CLEC16A: variants seen among roughly 807,000 people sequenced by gnomAD.
The protein encoded by CLEC16A is C-type lectin domain containing 16A.
In CLEC16A, 51 loss-of-function variants were observed where a neutral mutation model predicts 109.5. That is an observed-to-expected ratio of 0.47 (90% CI 0.37 to 0.59). The LOEUF (loss-of-function observed/expected upper bound fraction) is 0.59, where lower values mean the gene tolerates loss of function less well. CLEC16A is among the 20% of genes least tolerant of loss of function. The pLI, the probability that CLEC16A is intolerant of heterozygous loss-of-function variation, is 0.00. For synonymous variants in CLEC16A, 673 were observed against 564.2 expected (o/e 1.19, Z -2.73); for missense variants, 1,339 against 1,394.0 (o/e 0.96, Z 0.63).
intron 13 of CLEC16A, among the ~76,000 whole-genome samples, 188 bp from the exon 14 acceptor site, chr16:11,039,566 A>C (rs2047205945): frequency 6.6e-6 from 1 of 152,150 alleles, no homozygotes; most frequent in Admixed American, 6.5e-5. Flanking sequence ...GTTCAAGTCC[A>C]GCCTGGGAAA....
chr16:11,068,863 G>A (rs1335998312), intron 19 of CLEC16A, among the ~76,000 whole-genome samples: 1 of 152,126 alleles, frequency 6.6e-6, no homozygotes, highest in African/African-American at 2.4e-5. Context: ...CATCTAGGCT[G>A]GAGTGCAGAG....
intron 22 of CLEC16A, among the ~76,000 whole-genome samples, chr16:11,160,058 A>G (rs2054667704): frequency 6.6e-6 from 1 of 152,146 alleles, no homozygotes; most frequent in African/African-American, 2.4e-5. Flanking sequence ...TCAGCTCCCT[A>G]AAAGGTTCCT....
chr16:11,125,946 C>T, intron 21 of CLEC16A, 33 bp from the exon 22 acceptor site: 1 of 1,255,360 alleles, frequency 8.0e-7, no homozygotes, highest in Non-Finnish European at 1.1e-6. Context: ...ATCCCACATG[C>T]TCAGAGTGAA....
chr16:11,000,021 A>G (rs1365017519), intron 10 of CLEC16A, among the ~76,000 whole-genome samples: 1 of 152,184 alleles, frequency 6.6e-6, no homozygotes, highest in Non-Finnish European at 1.5e-5. Flanking sequence ...TATTTTTAGT[A>G]GAAGCGGAGT....
chr16:11,174,086 C>A lies in CLEC16A; in HGVS notation c.2807-4249C>A, dbSNP rs74163626. The A allele has an allele frequency of 2.3e-6, 1 of 437,470 alleles. No individual in the cohort carries two copies. The highest frequency in any genetic ancestry group is 2.4e-5 in the Admixed American group (1 of 41,122). The allele number at this position is 437,470 out of a possible 1,614,324, so 27.1% of individuals were successfully genotyped here. ...AGCGTCCGCTGCTGCTCAGTGTCCC[C>A]TCCATGTCGCCTCTGCCGTCCCATT... On this transcript the variant is annotated intron_variant, in intron 23 of 23. Transcript: ENST00000409790. The surrounding 1 kb of genome is among the most constrained non-coding windows in gnomAD (Gnocchi z 4.7).
At chr16:11,041,303 C>G (rs577284381) in intron 14 of CLEC16A, 22 of 152,234 alleles carry the variant, frequency 1.4e-4, no homozygotes, top group Non-Finnish European at 3.1e-4. Flanking sequence ...TAAGTAATAG[C>G]ATAGTAAGTA....
At chr16:11,023,690 A>G (rs1377082572) in intron 12 of CLEC16A, among the ~76,000 whole-genome samples, 1 of 151,982 alleles carries the variant, frequency 6.6e-6, no homozygotes, top group Non-Finnish European at 1.5e-5. Context: ...AAACTGTGTC[A>G]AAGGTTATAT....
chr16:11,136,944 G>A (rs982870274), intron 22 of CLEC16A, among the ~76,000 whole-genome samples: 2 of 152,196 alleles, frequency 1.3e-5, no homozygotes, highest in Admixed American at 6.5e-5. Flanking sequence ...GCCAGCCAGG[G>A]CTCCCTGGTT....
Position 11,174,027 on chromosome 16 carries a change from A to C in CLEC16A, c.2807-4308A>C, listed in dbSNP as rs1249601196. ...CGGTGGCCACAAGCCCATGCTGGGCACTGCCCCACGACCCTCGCCCCTCGT... is the reference window on the plus strand; with the variant it reads ...CGGTGGCCACAAGCCCATGCTGGGCCCTGCCCCACGACCCTCGCCCCTCGT... On this transcript the variant is annotated intron_variant, in intron 23 of 23. Transcript: ENST00000409790. This position sits in a 1 kb window ranked among gnomAD's most constrained non-coding sequence, Gnocchi z 4.7. The C allele has an allele frequency of 2.7e-6, 1 of 367,772 alleles. No homozygotes were observed. Among genetic ancestry groups the C allele is most frequent in the Non-Finnish European group, 5.6e-6 (1 of 179,586 alleles). The allele number at this position is 367,772 out of a possible 1,614,324, so 22.8% of individuals were successfully genotyped here.
chr16:11,149,100 G>A (rs1208390814), intron 22 of CLEC16A, among the ~76,000 whole-genome samples: 1 of 152,244 alleles, frequency 6.6e-6, no homozygotes, highest in East Asian at 1.9e-4. Flanking sequence ...AAAGTGGCCA[G>A]TATGTTAGCA....
chr16:11,131,387 G>T (rs2153047207), intron 22 of CLEC16A, among the ~76,000 whole-genome samples: 1 of 152,350 alleles, frequency 6.6e-6, no homozygotes, highest in East Asian at 1.9e-4. Context: ...CTGTTCCCCA[G>T]AAATGACCCA....
chr16:11,040,517 T>TTTTTTTC (rs1555466143), intron 14 of CLEC16A: 1 of 136,264 alleles, frequency 7.3e-6, no homozygotes, highest in Non-Finnish European at 1.6e-5. Flanking sequence ...TTCTTTTCTT[T>TTTTTTTC]TTTTTTTTTT....
chr16:11,095,839 G>A (rs2050579335), intron 19 of CLEC16A, among the ~76,000 whole-genome samples: 2 of 147,904 alleles, frequency 1.4e-5, no homozygotes, highest in South Asian at 2.1e-4. Context: ...AAAAAAAAAG[G>A]GAGCTAGAAG....
At chr16:11,164,129 T>C (rs2054821192) in intron 22 of CLEC16A, among the ~76,000 whole-genome samples, 1 of 152,068 alleles carries the variant, frequency 6.6e-6, no homozygotes, top group Non-Finnish European at 1.5e-5. Flanking sequence ...TCCTGAGAAC[T>C]CCAGCTACAT....
At chr16:11,080,582 C>T (rs1366895691) in intron 19 of CLEC16A, among the ~76,000 whole-genome samples, 6 of 152,242 alleles carry the variant, frequency 3.9e-5, no homozygotes, top group Non-Finnish European at 7.3e-5. Context: ...CAGTTATTCT[C>T]TTACAGCTCT....
At chr16:10,964,589 G>A (rs1342625109) in intron 3 of CLEC16A, among the ~76,000 whole-genome samples, 3 of 152,154 alleles carry the variant, frequency 2.0e-5, no homozygotes, top group Non-Finnish European at 2.9e-5. Context: ...CCATGGTGTC[G>A]GTTTTATCCT....
rs549892863 is a variant in CLEC16A at position 11,088,096 on chromosome 16, G to A, written c.2116+27074G>A. 1.2e-4 allele frequency among the ~76,000 whole-genome samples: 19 copies of A among 152,340 alleles called. No homozygotes were observed. In the South Asian group the frequency reaches 3.9e-3, roughly 32 times the overall value. ...GCTGGGGGCTCTCTGTCTCGAAAGG[G>A]GCCTCTGTGCTGACAGCCCCAGTCC... On this transcript the variant is annotated intron_variant, in intron 19 of 23. Coordinates refer to ENST00000409790, the MANE Select transcript of CLEC16A (RefSeq NM_015226.3).
At chr16:11,173,342 T>C (rs530037334) in intron 23 of CLEC16A, among the ~76,000 whole-genome samples, 3 of 152,196 alleles carry the variant, frequency 2.0e-5, no homozygotes, top group Non-Finnish European at 4.4e-5. Flanking sequence ...TGGCGTCACA[T>C]TCAAGCTGTG....
At chr16:11,173,274 G>A (rs144756975) in intron 23 of CLEC16A, among the ~76,000 whole-genome samples, 8 of 151,974 alleles carry the variant, frequency 5.3e-5, no homozygotes, top group East Asian at 1.9e-4. Context: ...TACCATTTTC[G>A]CCGTTTTTCA....
Sources: allele counts gnomAD v4.1 joint callset (sites outside exome capture counted in the v4.1 genomes callset), GRCh38; gene constraint gnomAD v4.1.1; non-coding constraint Gnocchi (gnomAD v3.1); transcripts MANE v1.5; gene names NCBI Gene and HGNC (gene_info 2026-07-23, HGNC 2026-07-21).